Variants in BTBD16 observed in about 807,000 individuals in gnomAD.
The protein encoded by BTBD16 is BTB/POZ domain-containing protein 16.
Under a neutral mutation model 67.4 loss-of-function variants are expected in BTBD16, and 66 were observed. The observed-to-expected ratio is 0.98, with a 90% CI of 0.80 to 1.20. The LOEUF is 1.20. Among genes scored for constraint, BTBD16 ranks in the 50% most tolerant of loss-of-function variants. The pLI is 0.00. For missense variants in BTBD16, 634 were observed against 616.0 expected, an observed-to-expected ratio of 1.03 and a Z score of -0.31; for synonymous variants, 242 against 236.4, an observed-to-expected ratio of 1.02 and a Z score of -0.22.
intron 7 of BTBD16, among the ~76,000 whole-genome samples, chr10:122,296,824 A>G (rs942664599): frequency 2.0e-5 from 3 of 152,196 alleles, no homozygotes; most frequent in Admixed American, 2.0e-4. Context: ...GACGAACTAC[A>G]ATAGTCAAAG....
At chr10:122,280,539 A>G (rs1452776727) in intron 3 of BTBD16, among the ~76,000 whole-genome samples, 5 of 151,364 alleles carry the variant, frequency 3.3e-5, no homozygotes, top group African/African-American at 4.9e-5. Flanking sequence ...TAAGAATGGG[A>G]AGAAGGGACC....
At chr10:122,278,537 G>A (rs894668805) in intron 3 of BTBD16, among the ~76,000 whole-genome samples, 3 of 152,198 alleles carry the variant, frequency 2.0e-5, no homozygotes, top group African/African-American at 7.2e-5. Context: ...TGCCTGGGCA[G>A]CATTTTAGTA....
intron 3 of BTBD16, among the ~76,000 whole-genome samples, chr10:122,283,399 G>A (rs34337964): frequency 0.2 from 30,025 of 152,136 alleles, 3,084 homozygotes; most frequent in South Asian, 0.28. Flanking sequence ...TAGGATTTGG[G>A]GTAGATGCTA....
intron 10 of BTBD16, among the ~76,000 whole-genome samples, chr10:122,326,335 C>T (rs2096444665): frequency 6.6e-6 from 1 of 152,162 alleles, no homozygotes; most frequent in Non-Finnish European, 1.5e-5. Context: ...CATGAAACAA[C>T]TCCCATTCCC....
intron 10 of BTBD16, among the ~76,000 whole-genome samples, chr10:122,315,232 G>A (rs78874945): frequency 0.019 from 2,829 of 152,224 alleles, 53 homozygotes; most frequent in African/African-American, 0.057. Flanking sequence ...AAGTGAGTAC[G>A]TTTTAAACAT....
chr10:122,337,526 A>G (rs924060883), intron 15 of BTBD16, among the ~76,000 whole-genome samples: 4 of 152,106 alleles, frequency 2.6e-5, no homozygotes, highest in Non-Finnish European at 4.4e-5. Context: ...GTGCAGTGGC[A>G]CAATCTCGGC....
chr10:122,312,344 G>A (rs1319787514), intron 10 of BTBD16, among the ~76,000 whole-genome samples: 2 of 124,060 alleles, frequency 1.6e-5, no homozygotes, highest in African/African-American at 3.1e-5. Context: ...AGACAGTCTC[G>A]CTCTGTCTCC....
chr10:122,329,861 C>G (rs1216839560), intron 11 of BTBD16, among the ~76,000 whole-genome samples: 1 of 152,096 alleles, frequency 6.6e-6, no homozygotes. Context: ...TTATTGGCAT[C>G]TAATTGTATG....
chr10:122,310,209 C>T (rs939328163), intron 10 of BTBD16, among the ~76,000 whole-genome samples: 5 of 152,172 alleles, frequency 3.3e-5, no homozygotes, highest in African/African-American at 1.2e-4. Flanking sequence ...GGGTGGTGCC[C>T]GTTGAGTGCA....
intron 10 of BTBD16, among the ~76,000 whole-genome samples, chr10:122,309,739 C>T (rs1000038018): frequency 4.7e-4 from 71 of 150,772 alleles, no homozygotes; most frequent in African/African-American, 1.7e-3. Context: ...TCCCAAAGCA[C>T]TGGGATTACA....
At chr10:122,297,620 C>T in intron 7 of BTBD16, 148 bp from the exon 8 acceptor site, 2 of 782,838 alleles carry the variant, frequency 2.6e-6, no homozygotes, top group South Asian at 1.7e-5. Context: ...GTCTTGTCCT[C>T]TGGCCAAATG....
chr10:122,294,769 G>C (rs1324912011), intron 7 of BTBD16, among the ~76,000 whole-genome samples: 1 of 152,196 alleles, frequency 6.6e-6, no homozygotes, highest in African/African-American at 2.4e-5. Context: ...GCTTCCTTTG[G>C]TCTGGGAAGT....
chr10:122,335,016 C>A, intron 14 of BTBD16, 37 bp downstream of exon 14: 1 of 1,022,636 alleles, frequency 9.8e-7, no homozygotes, highest in Non-Finnish European at 1.5e-6. Context: ...GTCTCTGAGA[C>A]AGTCTTTTAG....
chr10:122,299,432 A>G (rs2096389887), intron 9 of BTBD16, among the ~76,000 whole-genome samples: 1 of 152,138 alleles, frequency 6.6e-6, no homozygotes. Flanking sequence ...TTTAGAAAAA[A>G]TCCTGACAAC....
At chr10:122,309,330 T>C (rs1303201005) in intron 10 of BTBD16, among the ~76,000 whole-genome samples, 1 of 151,054 alleles carries the variant, frequency 6.6e-6, no homozygotes, top group Non-Finnish European at 1.5e-5. Context: ...TTTTGTTTGT[T>C]TGTTTTTTGG....
intron 1 of BTBD16, among the ~76,000 whole-genome samples, chr10:122,274,123 G>T (rs2096335191): frequency 6.6e-6 from 1 of 152,180 alleles, no homozygotes; most frequent in African/African-American, 2.4e-5. Flanking sequence ...GCTTCTGCTG[G>T]TTTCACCAGC....
intron 10 of BTBD16, among the ~76,000 whole-genome samples, chr10:122,310,384 G>A (rs1315896373): frequency 3.9e-5 from 6 of 152,212 alleles, no homozygotes; most frequent in East Asian, 3.9e-4. Flanking sequence ...GCAACAGTGC[G>A]GAGGCTTTGT....
At chr10:122,333,812 G>C (rs928507390) in intron 13 of BTBD16, among the ~76,000 whole-genome samples, 3 of 151,990 alleles carry the variant, frequency 2.0e-5, no homozygotes, top group African/African-American at 7.3e-5. Flanking sequence ...GAATAAGATG[G>C]ATCAGTCAAA....
intron 10 of BTBD16, among the ~76,000 whole-genome samples, chr10:122,308,151 C>T (rs1361764778): frequency 6.6e-6 from 1 of 152,112 alleles, no homozygotes; most frequent in Admixed American, 6.5e-5. Flanking sequence ...CTACTGGAAA[C>T]GTCTTAGCAC....
Sources: allele counts gnomAD v4.1 joint callset (sites outside exome capture counted in the v4.1 genomes callset), GRCh38; gene constraint gnomAD v4.1.1; transcripts MANE v1.5; gene names NCBI Gene and HGNC (gene_info 2026-07-23, HGNC 2026-07-21).